Variants in CCDC191 observed in about 807,000 individuals in gnomAD.
CCDC191 encodes coiled-coil domain-containing protein 191.
CCDC191 carries 99 observed loss-of-function variants against 114.0 expected under a neutral mutation model. That is an observed-to-expected ratio of 0.87 (90% CI 0.74 to 1.03). The LOEUF (loss-of-function observed/expected upper bound fraction) is 1.03, where lower values mean the gene tolerates loss of function less well. CCDC191 is among the 50% of genes least tolerant of loss of function. The pLI, the probability that CCDC191 is intolerant of heterozygous loss-of-function variation, is 0.00. For missense variants in CCDC191, 973 were observed against 1,087.0 expected (o/e 0.90, Z 1.47); for synonymous variants, 351 against 376.0 (o/e 0.93, Z 0.77).
At chr3:113,970,263 G>A (rs1279105248) in intron 16 of CCDC191, among the ~76,000 whole-genome samples, 2 of 152,082 alleles carry the variant, frequency 1.3e-5, no homozygotes, top group Non-Finnish European at 2.9e-5. Flanking sequence ...GGAGTCTTTA[G>A]GTTTTTCTAA....
intron 1 of CCDC191, 138 bp downstream of exon 1, chr3:114,056,239 T>C: frequency 1.3e-6 from 1 of 763,112 alleles, no homozygotes; most frequent in Non-Finnish European, 2.2e-6. Flanking sequence ...AGGGTAATGC[T>C]GGCTTTGGGG....
At chr3:114,028,344 G>A (rs552424531) in intron 7 of CCDC191, among the ~76,000 whole-genome samples, 7 of 148,806 alleles carry the variant, frequency 4.7e-5, no homozygotes, top group South Asian at 2.1e-4. Context: ...GGAGTGCAGC[G>A]GCATGATCTC....
At chr3:113,979,149 T>TC (rs2075046955) in intron 14 of CCDC191, 139 bp from the exon 15 acceptor site, 2 of 773,534 alleles carry the variant, frequency 2.6e-6, no homozygotes, top group African/African-American at 3.5e-5. Flanking sequence ...GCAGCCTGTG[T>TC]CCTAAAAGCT....
chr3:114,037,907 T>G (rs1257845806), intron 4 of CCDC191, among the ~76,000 whole-genome samples: 1 of 152,228 alleles, frequency 6.6e-6, no homozygotes, highest in Non-Finnish European at 1.5e-5. Flanking sequence ...TCATCCATGG[T>G]TGGTTGAGTC....
chr3:113,982,291 A>G (rs2075183164), intron 13 of CCDC191, among the ~76,000 whole-genome samples: 2 of 152,198 alleles, frequency 1.3e-5, no homozygotes, highest in African/African-American at 2.4e-5. Context: ...TTGAGTCAAA[A>G]TGTTGTATTC....
At chr3:113,967,117 AAAAAAG>A (rs1400729683) in intron 16 of CCDC191, among the ~76,000 whole-genome samples, 1 of 151,464 alleles carries the variant, frequency 6.6e-6, no homozygotes, top group African/African-American at 2.4e-5. Context: ...GAAAAAAAGA[AAAAAAG>A]AAAAAGGCTC....
chr3:113,996,220 T>A (rs551931854), intron 13 of CCDC191, among the ~76,000 whole-genome samples: 1 of 152,354 alleles, frequency 6.6e-6, no homozygotes, highest in East Asian at 1.9e-4. Context: ...CTAAATTTTC[T>A]TCTAGGGTTT....
chr3:114,021,907 TG>T (rs1320949776), intron 7 of CCDC191, among the ~76,000 whole-genome samples: 2 of 152,180 alleles, frequency 1.3e-5, no homozygotes, highest in East Asian at 3.8e-4. Flanking sequence ...TTTTGTACCA[TG>T]TTTTTATTTC....
intron 8 of CCDC191, among the ~76,000 whole-genome samples, chr3:114,012,221 A>ATG (rs2076081760): frequency 7.2e-6 from 1 of 139,284 alleles, no homozygotes; most frequent in Non-Finnish European, 1.6e-5. Flanking sequence ...GACTCAATAT[A>ATG]CGTGTGTGTG....
At chr3:114,016,548 T>C (rs1483463049) in intron 8 of CCDC191, among the ~76,000 whole-genome samples, 2 of 152,222 alleles carry the variant, frequency 1.3e-5, no homozygotes, top group African/African-American at 2.4e-5. Context: ...TAAAAAATTA[T>C]TGTAAGTTAA....
chr3:113,992,205 C>A (rs374965336), intron 13 of CCDC191, among the ~76,000 whole-genome samples: 1 of 152,140 alleles, frequency 6.6e-6, no homozygotes. Flanking sequence ...CACCCCTCCC[C>A]CAAGGCAGCA....
intron 13 of CCDC191, among the ~76,000 whole-genome samples, chr3:113,984,886 C>G (rs190618983): frequency 6.6e-6 from 1 of 152,312 alleles, no homozygotes; most frequent in East Asian, 1.9e-4. Context: ...GCTGGTCATG[C>G]AACAAATTAA....
Position 114,036,704 on chromosome 3 carries a change from T to C in CCDC191, c.498A>G (p.Val166=), listed in dbSNP as rs1347611142. The C allele has an allele frequency of 1.2e-6, 2 of 1,601,604 alleles. No homozygotes were observed. The highest frequency in any genetic ancestry group is 1.7e-6 in the Non-Finnish European group (2 of 1,172,964). ...FIDHLLHKNV[V]DSAMMEDLGR... ...CAAGATCTTCCATCATTGCAGAATC[T>C]ACCACATTTTTATGGAGCAGATGGT... is the stretch of plus-strand genomic sequence containing the variant. The change falls in exon 5 of 17, where the codon GTA becomes GTG. Residue 166 remains valine (V), a synonymous_variant. Transcript: ENST00000295878.
chr3:114,005,320 C>T (rs541636034), intron 10 of CCDC191, among the ~76,000 whole-genome samples, 188 bp downstream of exon 10: 2 of 152,292 alleles, frequency 1.3e-5, no homozygotes, highest in African/African-American at 4.8e-5. Flanking sequence ...ATAACTGGAT[C>T]CTTACAGGCA....
chr3:114,036,882 A>T (rs1031091069), intron 4 of CCDC191, 96 bp from the exon 5 acceptor site: 16 of 787,154 alleles, frequency 2.0e-5, no homozygotes. Context: ...TACAATAAAA[A>T]TACAAAGCTG....
chr3:114,018,907 G>C (rs376802383), intron 7 of CCDC191, 39 bp from the exon 8 acceptor site: 1 of 1,582,740 alleles, frequency 6.3e-7, no homozygotes. Context: ...ACCCATCAGC[G>C]CTAGTGTTTC....
intron 8 of CCDC191, among the ~76,000 whole-genome samples, chr3:114,011,932 T>TGTA (rs1480186576): frequency 6.6e-6 from 1 of 152,232 alleles, no homozygotes; most frequent in Admixed American, 6.5e-5. Context: ...GAACTTATTA[T>TGTA]GTAGTATCAG....
At chr3:114,013,454 CAT>C (rs1450436180) in intron 8 of CCDC191, among the ~76,000 whole-genome samples, 1 of 152,090 alleles carries the variant, frequency 6.6e-6, no homozygotes. Context: ...AACACTAAAA[CAT>C]AAATATTTCT....
At chr3:114,019,926 T>A (rs2107701894) in intron 7 of CCDC191, among the ~76,000 whole-genome samples, 1 of 152,268 alleles carries the variant, frequency 6.6e-6, no homozygotes, top group South Asian at 2.1e-4. Flanking sequence ...TATATTGTAA[T>A]CACCAGTTTA....
Sources: allele counts gnomAD v4.1 joint callset (sites outside exome capture counted in the v4.1 genomes callset), GRCh38; gene constraint gnomAD v4.1.1; transcripts MANE v1.5; gene names NCBI Gene and HGNC (gene_info 2026-07-23, HGNC 2026-07-21).